Variants in LRRTM4 observed in about 807,000 individuals in gnomAD.
LRRTM4 encodes leucine rich repeat transmembrane neuronal 4.
A neutral mutation model predicts 47.6 loss-of-function variants in LRRTM4; 25 were observed. The observed-to-expected ratio is 0.53, with a 90% CI of 0.38 to 0.73. The LOEUF is 0.73. Among genes scored for constraint, LRRTM4 ranks in the 30% least tolerant of loss-of-function variants. The probability of loss-of-function intolerance (pLI) is 0.00; values close to 1 mark genes in which losing one functional copy is unlikely to be tolerated. For missense variants in LRRTM4, 638 were observed against 713.4 expected (o/e 0.89, Z 1.20); for synonymous variants, 311 against 269.5 (o/e 1.15, Z -1.51).
chr2:76,776,678 G>A (rs1311029633), intron 3 of LRRTM4, among the ~76,000 whole-genome samples: 4 of 147,874 alleles, frequency 2.7e-5, no homozygotes, highest in Middle Eastern at 3.3e-3. Context: ...AGATGAGTAG[G>A]TTGCGAAAAT....
At chr2:77,060,768 CTCT>C (rs1679760543) in intron 3 of LRRTM4, among the ~76,000 whole-genome samples, 1 of 152,050 alleles carries the variant, frequency 6.6e-6, no homozygotes, top group African/African-American at 2.4e-5. Context: ...CAACCTATGT[CTCT>C]TTTTTTTCAA....
In LRRTM4 at chr2:76,748,675, G is replaced by T; in HGVS notation, c.*20C>A. ...TCCCTCCCCCCCATGGAGCTCCCCA[G>T]TGAGGAGTTGGCTTCAGCGTTAGTT... On this transcript the variant is annotated 3_prime_UTR_variant, in exon 4 of 4. Transcript: ENST00000409884. 3 of 1,336,508 alleles carry T rather than the reference G, an allele frequency of 2.2e-6. No individual in the cohort carries two copies. The highest frequency in any genetic ancestry group is 3.2e-6 in the Non-Finnish European group (3 of 942,358). The allele number at this position is 1,336,508 out of a possible 1,614,324, so 82.8% of individuals were successfully genotyped here.
intron 3 of LRRTM4, among the ~76,000 whole-genome samples, chr2:76,828,018 A>AT (rs1254158519): frequency 6.6e-6 from 1 of 151,978 alleles, no homozygotes; most frequent in Non-Finnish European, 1.5e-5. Flanking sequence ...TAAAAGATGT[A>AT]TTGCCTATGT....
At chr2:77,398,137 C>A (rs892046186) in intron 3 of LRRTM4, among the ~76,000 whole-genome samples, 1 of 151,846 alleles carries the variant, frequency 6.6e-6, no homozygotes, top group Non-Finnish European at 1.5e-5. Flanking sequence ...TATTCCAGTG[C>A]AAATAATTCT....
At chr2:77,113,409 G>T (rs1339546878) in intron 3 of LRRTM4, among the ~76,000 whole-genome samples, 1 of 152,116 alleles carries the variant, frequency 6.6e-6, no homozygotes, top group African/African-American at 2.4e-5. Flanking sequence ...AAGATTGAGC[G>T]GCGCATAGCG....
chr2:77,206,747 G>A (rs1289340575), intron 3 of LRRTM4, among the ~76,000 whole-genome samples: 1 of 152,104 alleles, frequency 6.6e-6, no homozygotes, highest in Non-Finnish European at 1.5e-5. Context: ...GCCTCCCAAA[G>A]TGCTGGGACT....
intron 3 of LRRTM4, among the ~76,000 whole-genome samples, chr2:77,399,474 T>C (rs1673851482): frequency 6.6e-6 from 1 of 151,888 alleles, no homozygotes; most frequent in African/African-American, 2.4e-5. Context: ...TAGGAGCTGG[T>C]TGAGCTGTTG....
chr2:77,432,883 C>A (rs575420778), intron 3 of LRRTM4, among the ~76,000 whole-genome samples: 1 of 152,158 alleles, frequency 6.6e-6, no homozygotes, highest in Non-Finnish European at 1.5e-5. Context: ...CCTTTCAATA[C>A]TTCTTACTAA....
At chr2:76,962,511 A>AT (rs1223136782) in intron 3 of LRRTM4, among the ~76,000 whole-genome samples, 28 of 149,790 alleles carry the variant, frequency 1.9e-4, no homozygotes, top group South Asian at 6.3e-4. Context: ...ATGAAAGTGT[A>AT]TTTTTTTTTG....
intron 3 of LRRTM4, among the ~76,000 whole-genome samples, chr2:76,887,119 G>A (rs12105351): frequency 0.054 from 8,243 of 151,476 alleles, 484 homozygotes; most frequent in African/African-American, 0.14. Context: ...AAAATAAAGT[G>A]TAAATGAAAA....
intron 3 of LRRTM4, among the ~76,000 whole-genome samples, chr2:77,398,617 AGTTTT>A (rs1442527857): frequency 1.3e-5 from 2 of 151,836 alleles, no homozygotes; most frequent in Admixed American, 6.6e-5. Context: ...ATTTTAGAAC[AGTTTT>A]GTTTTATTTA....
At chr2:76,828,260 T>G (rs762124360) in intron 3 of LRRTM4, among the ~76,000 whole-genome samples, 6 of 151,884 alleles carry the variant, frequency 4.0e-5, no homozygotes, top group Non-Finnish European at 8.8e-5. Flanking sequence ...CCTCCAAAAT[T>G]GCAGTAAAGT....
chr2:76,898,200 A>C (rs1673489885), intron 3 of LRRTM4, among the ~76,000 whole-genome samples: 1 of 152,070 alleles, frequency 6.6e-6, no homozygotes, highest in Non-Finnish European at 1.5e-5. Flanking sequence ...GAGACTATGT[A>C]CTTGCTTTTA....
At chr2:76,998,836 C>T (rs868715471) in intron 3 of LRRTM4, among the ~76,000 whole-genome samples, 2 of 151,122 alleles carry the variant, frequency 1.3e-5, no homozygotes, top group Non-Finnish European at 2.9e-5. Flanking sequence ...TGACTTATAG[C>T]CCCTTTGTGG....
intron 3 of LRRTM4, among the ~76,000 whole-genome samples, chr2:76,999,383 A>G (rs1055685862): frequency 5.3e-5 from 8 of 151,844 alleles, no homozygotes; most frequent in Non-Finnish European, 8.8e-5. Context: ...AAGACTCTCT[A>G]GGGGCCAATC....
intron 3 of LRRTM4, among the ~76,000 whole-genome samples, chr2:77,069,439 T>TGTGTGTGTGTGTGTGTG (rs1680077346): frequency 8.4e-6 from 1 of 118,514 alleles, no homozygotes; most frequent in African/African-American, 3.6e-5. Flanking sequence ...GTGTGTGTGT[T>TGTGTGTGTGTGTGTGTG]TGTGTGTGTT....
At chr2:77,243,703 A>T (rs555534578) in intron 3 of LRRTM4, among the ~76,000 whole-genome samples, 1 of 151,576 alleles carries the variant, frequency 6.6e-6, no homozygotes, top group Non-Finnish European at 1.5e-5. Context: ...TCTTATGCGT[A>T]TTTTTCCAAA....
intron 3 of LRRTM4, among the ~76,000 whole-genome samples, chr2:77,025,422 T>A (rs1006132518): frequency 5.3e-5 from 8 of 152,142 alleles, no homozygotes; most frequent in African/African-American, 1.9e-4. Context: ...GTAAGAGAAT[T>A]CTTGTCCCTG....
intron 3 of LRRTM4, among the ~76,000 whole-genome samples, chr2:77,259,476 A>G (rs1368060419): frequency 1.3e-5 from 2 of 152,102 alleles, no homozygotes; most frequent in Non-Finnish European, 2.9e-5. Flanking sequence ...TTCAAGGACT[A>G]TGTATCACTA....
Sources: gnomAD v4.1 joint callset for allele counts (sites outside exome capture counted in the v4.1 genomes callset) on GRCh38, gnomAD v4.1.1 for gene constraint, MANE v1.5 for transcripts, NCBI Gene and HGNC (gene_info 2026-07-23, HGNC 2026-07-21) for gene names.